PCDHGA3: variants seen among roughly 807,000 people sequenced by gnomAD.
PCDHGA3 encodes protocadherin gamma subfamily A, 3, also known as protocadherin gamma-A3.
A neutral mutation model predicts 58.5 loss-of-function variants in PCDHGA3; 40 were observed. The ratio of observed to expected loss-of-function variants is 0.68; its 90% confidence interval spans 0.53 to 0.89. The LOEUF (loss-of-function observed/expected upper bound fraction) is 0.89, where lower values mean the gene tolerates loss of function less well. PCDHGA3 is among the 40% of genes least tolerant of loss of function. The pLI, the probability that PCDHGA3 is intolerant of heterozygous loss-of-function variation, is 0.00. For synonymous variants in PCDHGA3, 530 were observed against 525.7 expected (o/e 1.01, Z -0.11); for missense variants, 1,223 against 1,195.9 (o/e 1.02, Z -0.33).
rs542113846 is a variant in PCDHGA3 at position 141,433,037 on chromosome 5, A to G, written c.2425-61770A>G. ...GACCTATTCCCACGAGGTTTCCCTCACCACGGACTCGCGGAAGAGTCACCT... is the reference window on the plus strand; with the variant it reads ...GACCTATTCCCACGAGGTTTCCCTCGCCACGGACTCGCGGAAGAGTCACCT... On this transcript the variant is annotated intron_variant, in intron 1 of 3. Coordinates refer to ENST00000253812, the MANE Select transcript of PCDHGA3 (RefSeq NM_018916.4). 249 of 1,614,172 alleles carry G rather than the reference A, an allele frequency of 1.5e-4. 6 individuals are homozygous for G. The South Asian group carries it at 2.5e-3, about 16-fold the overall frequency.
At chr5:141,384,331 G>T (rs376216978) in intron 1 of PCDHGA3, 21 of 1,613,846 alleles carry the variant, frequency 1.3e-5, no homozygotes, top group African/African-American at 2.7e-5. Context: ...GACTGCACAG[G>T]ACCACGACAG....
chr5:141,398,189 T>A (rs926901002), intron 1 of PCDHGA3: 41 of 1,482,238 alleles, frequency 2.8e-5, no homozygotes, highest in Non-Finnish European at 3.5e-5. Context: ...TTTCTCTTCC[T>A]GCTGTCTTTG....
chr5:141,434,027 G>A (rs887125944), intron 1 of PCDHGA3, among the ~76,000 whole-genome samples: 3 of 152,130 alleles, frequency 2.0e-5, no homozygotes, highest in Non-Finnish European at 2.9e-5. Flanking sequence ...GATTCTGGAA[G>A]CATGGTTTTC....
chr5:141,415,747 T>TTTG, intron 1 of PCDHGA3: 1 of 797,602 alleles, frequency 1.3e-6, no homozygotes, highest in East Asian at 4.8e-5. Flanking sequence ...AAGGTTTTTT[T>TTTG]TTTTTTTTTT....
Position 141,392,895 on chromosome 5 carries a change from A to C in PCDHGA3, c.2424+46438A>C, listed in dbSNP as rs1213908930. ...GCTGGGAACGCTGTGGGAAATCGGG[A>C]GGGGACAGATTCGCTACTCTGTGCC... On this transcript the variant is annotated intron_variant, in intron 1 of 3. Transcript: ENST00000253812. 11 of 1,613,660 alleles carry C rather than the reference A, an allele frequency of 6.8e-6. No individual in the cohort carries two copies. The Admixed American group carries it at 1.8e-4, about 27-fold the overall frequency.
intron 1 of PCDHGA3, among the ~76,000 whole-genome samples, chr5:141,405,944 A>T (rs1435240635): frequency 6.6e-6 from 1 of 152,130 alleles, no homozygotes; most frequent in East Asian, 1.9e-4. Flanking sequence ...TCATGTTCTC[A>T]TAATAATTAA....
At chr5:141,347,137 CTCTT>C (rs70988799) in intron 1 of PCDHGA3, among the ~76,000 whole-genome samples, 6,376 of 113,734 alleles carry the variant, frequency 0.056, 230 homozygotes, top group East Asian at 0.18. Context: ...CTCTGTTTCT[CTCTT>C]TCTTTCTTTC....
Position 141,487,548 on chromosome 5 carries a change from G to T in PCDHGA3, c.2425-7259G>T. The T allele has an allele frequency of 6.2e-7, 1 of 1,614,190 alleles. No homozygotes were observed. Among genetic ancestry groups the T allele is most frequent in the Non-Finnish European group, 8.5e-7 (1 of 1,180,038 alleles). ...AGCTTCATGATGGTGAAGTCACCCA[G>T]TGCACCTATGGCAGGGGAGCCTGTT... is the stretch of plus-strand genomic sequence containing the variant. On this transcript the variant is annotated intron_variant, in intron 1 of 3. Coordinates refer to ENST00000253812, the MANE Select transcript of PCDHGA3 (RefSeq NM_018916.4). The surrounding 1 kb of genome is among the most constrained non-coding windows in gnomAD (Gnocchi z 5.0).
chr5:141,395,218 A>G, intron 1 of PCDHGA3: 2 of 1,612,142 alleles, frequency 1.2e-6, no homozygotes, highest in Non-Finnish European at 1.7e-6. Flanking sequence ...GAATATAAGA[A>G]TGAAGCTGAT....
intron 1 of PCDHGA3, chr5:141,412,854 A>G (rs1356959630): frequency 4.5e-6 from 1 of 223,412 alleles, no homozygotes; most frequent in South Asian, 1.8e-4. Context: ...GAGAAACCAA[A>G]GAATCTATGT....
chr5:141,419,613 G>T (rs369914837), intron 1 of PCDHGA3: 144 of 1,612,020 alleles, frequency 8.9e-5, no homozygotes, highest in Admixed American at 1.5e-4. Context: ...GCGCAGCCAG[G>T]CTACCTGGTG....
intron 1 of PCDHGA3, among the ~76,000 whole-genome samples, chr5:141,363,621 C>G (rs1384917674): frequency 1.3e-5 from 2 of 152,216 alleles, no homozygotes; most frequent in African/African-American, 4.8e-5. Context: ...AGTGGAGAGA[C>G]TTTCTCAAAG....
At chr5:141,380,270 A>G (rs1427444022) in intron 1 of PCDHGA3, among the ~76,000 whole-genome samples, 1 of 152,226 alleles carries the variant, frequency 6.6e-6, no homozygotes, top group Non-Finnish European at 1.5e-5. Flanking sequence ...GTAAAATCTC[A>G]GAGGAGAAAC....
In PCDHGA3 at chr5:141,485,066, G is replaced by A. The variant is rs907517904; in HGVS notation, c.2425-9741G>A. On this transcript the variant is annotated intron_variant, in intron 1 of 3. Coordinates refer to ENST00000253812, the MANE Select transcript of PCDHGA3 (RefSeq NM_018916.4). This position sits in a 1 kb window ranked among gnomAD's most constrained non-coding sequence, Gnocchi z 5.7. Reference sequence around the variant, plus strand: ...GCGGCGCCGGCCGAACCGCGCCAGAGCTGGCGCGGGGAAAGGGAGATAGGT... The same window carrying A: ...GCGGCGCCGGCCGAACCGCGCCAGAACTGGCGCGGGGAAAGGGAGATAGGT... 1 of 885,622 alleles carries A rather than the reference G, an allele frequency of 1.1e-6. No individual in the cohort carries two copies. Among genetic ancestry groups the A allele is most frequent in the Non-Finnish European group, 1.8e-6 (1 of 559,820 alleles). 54.9% of individuals were successfully genotyped at this position (885,622 alleles called of 1,614,324 possible).
In PCDHGA3 at chr5:141,489,353, A is replaced by G. The variant is rs1423278514; in HGVS notation, c.2425-5454A>G. 3.7e-6 allele frequency: 6 copies of G among 1,612,316 alleles called. No homozygotes were observed. In the African/African-American group the frequency reaches 6.7e-5, roughly 18 times the overall value. ...CAGCTTCGTTACTCAGTGGTGGAGG[A>G]GTCTGAGCCGGGGACGCTGGTGGGG... On this transcript the variant is annotated intron_variant, in intron 1 of 3. Transcript: ENST00000253812. This position sits in a 1 kb window ranked among gnomAD's most constrained non-coding sequence, Gnocchi z 4.5.
At chr5:141,396,682 C>T (rs1387269894) in intron 1 of PCDHGA3, 1 of 151,688 alleles carries the variant, frequency 6.6e-6, no homozygotes, top group Non-Finnish European at 1.5e-5. Context: ...TATTGTATTC[C>T]TGCATACCTT....
chr5:141,376,317 G>A, intron 1 of PCDHGA3: 1 of 1,614,202 alleles, frequency 6.2e-7, no homozygotes, highest in East Asian at 2.2e-5. Flanking sequence ...GGCGTGGAAG[G>A]GGTTCGGGCT....
chr5:141,456,263 T>C (rs2098847567), intron 1 of PCDHGA3, among the ~76,000 whole-genome samples: 2 of 152,292 alleles, frequency 1.3e-5, no homozygotes, highest in South Asian at 2.1e-4. Flanking sequence ...CCATTGCTTC[T>C]GGCTACTTCC....
At chr5:141,451,334 C>G (rs916812246) in intron 1 of PCDHGA3, among the ~76,000 whole-genome samples, 4 of 152,192 alleles carry the variant, frequency 2.6e-5, no homozygotes, top group Non-Finnish European at 4.4e-5. Context: ...AGGCTATTGT[C>G]TTATCTGAAG....
Sources: gnomAD v4.1 joint callset for allele counts (sites outside exome capture counted in the v4.1 genomes callset) on GRCh38, gnomAD v4.1.1 for gene constraint, Gnocchi (gnomAD v3.1) non-coding constraint, MANE v1.5 for transcripts, NCBI Gene and HGNC (gene_info 2026-07-23, HGNC 2026-07-21) for gene names.